NRXN3: variants seen among roughly 807,000 people sequenced by gnomAD.
The protein encoded by NRXN3 is neurexin III.
A neutral mutation model predicts 137.6 loss-of-function variants in NRXN3; 32 were observed. The ratio of observed to expected loss-of-function variants is 0.23; its 90% CI spans 0.18 to 0.31. The LOEUF is 0.31. Ranked by LOEUF, NRXN3 falls within the 10% of genes least tolerant of loss-of-function variation. The pLI is 1.00. For synonymous variants in NRXN3, 798 were observed against 784.5 expected (o/e 1.02, Z -0.29); for missense variants, 1,574 against 2,062.5 (o/e 0.76, Z 4.59).
intron 6 of NRXN3, among the ~76,000 whole-genome samples, chr14:78,707,309 T>C (rs907283784): frequency 2.6e-5 from 4 of 152,170 alleles, no homozygotes; most frequent in African/African-American, 9.7e-5. Context: ...TAAGGTAATA[T>C]AAAGAAAATA....
chr14:79,664,341 T>G (rs1389409481), intron 17 of NRXN3, among the ~76,000 whole-genome samples: 1 of 152,164 alleles, frequency 6.6e-6, no homozygotes, highest in African/African-American at 2.4e-5. Flanking sequence ...TTTAGTCGGA[T>G]GCAGTTGAAG....
chr14:78,832,114 G>T (rs2152406954), intron 10 of NRXN3, among the ~76,000 whole-genome samples: 1 of 152,010 alleles, frequency 6.6e-6, no homozygotes, highest in South Asian at 2.1e-4. Context: ...AAAACGAATG[G>T]AACTCAGCTG....
chr14:78,740,155 C>G lies in NRXN3; in HGVS notation c.2044+25016C>G, dbSNP rs2098558172. Among the ~76,000 whole-genome samples, 3 of 152,222 alleles carry G rather than the reference C, an allele frequency of 2.0e-5. No individual in the cohort carries two copies. The South Asian group carries it at 6.2e-4, about 32-fold the overall frequency. On this transcript the variant is annotated intron_variant, in intron 8 of 20. Transcript: ENST00000335750. Reference sequence around the variant, plus strand: ...ATGTTCCACTTTTAAACTCTCAGAGCCCTAGTCTCTGAATTAGAATTCTAG... The same window carrying G: ...ATGTTCCACTTTTAAACTCTCAGAGGCCTAGTCTCTGAATTAGAATTCTAG...
At chr14:78,916,747 C>A (rs2099256426) in intron 10 of NRXN3, among the ~76,000 whole-genome samples, 1 of 152,156 alleles carries the variant, frequency 6.6e-6, no homozygotes, top group African/African-American at 2.4e-5. Flanking sequence ...CACAAAGTAC[C>A]CTGGACTGGG....
chr14:78,410,440 T>C (rs1255794605), intron 4 of NRXN3, among the ~76,000 whole-genome samples: 1 of 152,200 alleles, frequency 6.6e-6, no homozygotes, highest in Non-Finnish European at 1.5e-5. Flanking sequence ...CTCAGTGGCA[T>C]GAATAATAGG....
chr14:78,786,836 A>G (rs1252405664), intron 8 of NRXN3, among the ~76,000 whole-genome samples: 1 of 152,194 alleles, frequency 6.6e-6, no homozygotes, highest in Non-Finnish European at 1.5e-5. Flanking sequence ...AAATAAGGAC[A>G]GTAAAAAGCA....
intron 16 of NRXN3, among the ~76,000 whole-genome samples, chr14:79,503,587 C>T (rs1182404642): frequency 6.6e-6 from 1 of 152,206 alleles, no homozygotes; most frequent in Non-Finnish European, 1.5e-5. Flanking sequence ...GATATGCCTT[C>T]CCAGATGCCC....
Position 79,710,059 on chromosome 14 carries a change from C to G in NRXN3, c.4014+12122C>G, listed in dbSNP as rs2098797347. 2.6e-5 allele frequency among the ~76,000 whole-genome samples: 4 copies of G among 151,888 alleles called. No individual in the cohort carries two copies. In the South Asian group the frequency reaches 8.3e-4, roughly 32 times the overall value. ...TGGGGTTTTTGTTATGATTGTTGTC[C>G]TTTATTTGGGGGTTTGTTTGTTTTA... On this transcript the variant is annotated intron_variant, in intron 19 of 20. Coordinates refer to ENST00000335750, the MANE Select transcript of NRXN3 (RefSeq NM_001330195.2).
At chr14:78,841,738 G>T (rs575577871) in intron 10 of NRXN3, among the ~76,000 whole-genome samples, 34 of 152,134 alleles carry the variant, frequency 2.2e-4, no homozygotes, top group African/African-American at 7.9e-4. Context: ...AAAAATGAAA[G>T]AATAAATTAG....
intron 15 of NRXN3, among the ~76,000 whole-genome samples, chr14:79,332,367 A>G (rs1394535455): frequency 6.6e-6 from 1 of 152,120 alleles, no homozygotes; most frequent in African/African-American, 2.4e-5. Context: ...TTGATTTCCC[A>G]GTCTCATCTC....
At chr14:79,081,745 C>A (rs938974161) in intron 15 of NRXN3, among the ~76,000 whole-genome samples, 2 of 151,892 alleles carry the variant, frequency 1.3e-5, no homozygotes, top group Admixed American at 1.3e-4. Context: ...TGTTCTATGG[C>A]AGACAAAAAA....
intron 4 of NRXN3, among the ~76,000 whole-genome samples, chr14:78,435,781 A>T (rs1227939332): frequency 1.3e-5 from 2 of 152,194 alleles, no homozygotes; most frequent in African/African-American, 4.8e-5. Flanking sequence ...ACGTCCAGGG[A>T]TTTGTGATGG....
Position 79,177,252 on chromosome 14 carries a change from C to T in NRXN3, c.3262+189111C>T, listed in dbSNP as rs149501489. ...TGTTTAAAACCTAAAGTCTGGTTGGCGTTATAAATATGCATGAGCTGTTGG... is the reference window on the plus strand; with the variant it reads ...TGTTTAAAACCTAAAGTCTGGTTGGTGTTATAAATATGCATGAGCTGTTGG... On this transcript the variant is annotated intron_variant, in intron 15 of 20. Coordinates refer to ENST00000335750, the MANE Select transcript of NRXN3 (RefSeq NM_001330195.2). Among the ~76,000 whole-genome samples the T allele has an allele frequency of 1.7e-3, 266 of 152,128 alleles. 1 individual carries two copies. Among genetic ancestry groups the T allele is most frequent in the African/African-American group, 4.8e-3 (198 of 41,500 alleles).
intron 15 of NRXN3, among the ~76,000 whole-genome samples, chr14:79,337,473 A>T (rs979595071): frequency 3.3e-5 from 5 of 152,192 alleles, no homozygotes; most frequent in Non-Finnish European, 5.9e-5. Flanking sequence ...CAGGAAAAGG[A>T]TGGCGATATA....
intron 15 of NRXN3, among the ~76,000 whole-genome samples, chr14:79,204,863 T>G (rs1031358116): frequency 6.6e-6 from 1 of 152,160 alleles, no homozygotes; most frequent in East Asian, 1.9e-4. Flanking sequence ...GTACTGAAAG[T>G]ATGACACAGC....
intron 1 of NRXN3, among the ~76,000 whole-genome samples, chr14:78,173,374 C>G (rs213562): frequency 0.86 from 130,769 of 152,026 alleles, 56,551 homozygotes; most frequent in Non-Finnish European, 0.91. Context: ...TGCTGCAAAA[C>G]TGAGATACAG....
At chr14:79,109,763 A>G (rs1354305262) in intron 15 of NRXN3, among the ~76,000 whole-genome samples, 2 of 152,154 alleles carry the variant, frequency 1.3e-5, no homozygotes, top group Non-Finnish European at 2.9e-5. Flanking sequence ...GTTTAAGGAG[A>G]ATATTAGACA....
chr14:79,198,941 C>T (rs764557514), intron 15 of NRXN3, among the ~76,000 whole-genome samples: 9 of 152,126 alleles, frequency 5.9e-5, no homozygotes, highest in East Asian at 1.9e-4. Flanking sequence ...CCGAGAAAGG[C>T]GGATCACGAA....
intron 15 of NRXN3, among the ~76,000 whole-genome samples, chr14:79,222,358 A>C (rs910981663): frequency 1.3e-5 from 2 of 152,036 alleles, no homozygotes; most frequent in African/African-American, 4.8e-5. Context: ...TCAATAGCTC[A>C]TTTCTCCTGA....
Sources: gnomAD v4.1 joint callset for allele counts (sites outside exome capture counted in the v4.1 genomes callset) on GRCh38, gnomAD v4.1.1 for gene constraint, MANE v1.5 for transcripts, NCBI Gene and HGNC (gene_info 2026-07-23, HGNC 2026-07-21) for gene names.